The following NMNAT2 variants were observed in gnomAD, a reference collection of about 807,000 sequenced individuals.
NMNAT2 encodes nicotinamide nucleotide adenylyltransferase 2.
NMNAT2 carries 11 observed loss-of-function variants against 41.6 expected under a neutral mutation model. The ratio of observed to expected loss-of-function variants is 0.26; its 90% CI spans 0.17 to 0.44. The LOEUF (loss-of-function observed/expected upper bound fraction) is 0.44, where lower values mean the gene tolerates loss of function less well. NMNAT2 is among the 20% of genes least tolerant of loss of function. The pLI, the probability that NMNAT2 is intolerant of heterozygous loss-of-function variation, is 1.00. For synonymous variants in NMNAT2, 148 were observed against 151.2 expected, an observed-to-expected ratio of 0.98 and a Z score of 0.16; for missense variants, 288 against 407.7, an observed-to-expected ratio of 0.71 and a Z score of 2.53.
At chr1:183,356,829 G>C (rs1358854492) in intron 1 of NMNAT2, among the ~76,000 whole-genome samples, 1 of 152,170 alleles carries the variant, frequency 6.6e-6, no homozygotes, top group African/African-American at 2.4e-5. Context: ...GAAAATAACT[G>C]TCTAAAACCC....
intron 10 of NMNAT2, among the ~76,000 whole-genome samples, chr1:183,256,763 T>C (rs1477537649): frequency 6.6e-6 from 1 of 152,172 alleles, no homozygotes; most frequent in Non-Finnish European, 1.5e-5. Flanking sequence ...AGTTTTCTTT[T>C]CTTGTGGTGT....
At chr1:183,411,618 A>T (rs922051235) in intron 1 of NMNAT2, among the ~76,000 whole-genome samples, 1 of 152,218 alleles carries the variant, frequency 6.6e-6, no homozygotes, top group Admixed American at 6.5e-5. Context: ...CAAATGTTTA[A>T]TGAGCACTCA....
chr1:183,382,065 G>C (rs913671565), intron 1 of NMNAT2, among the ~76,000 whole-genome samples: 1 of 152,204 alleles, frequency 6.6e-6, no homozygotes, highest in Non-Finnish European at 1.5e-5. Flanking sequence ...AAGAAAAGCA[G>C]TTTTATTGGC....
Position 183,290,111 on chromosome 1 carries a change from G to A in NMNAT2, c.321+17C>T. The stretch of plus-strand genomic sequence containing the variant: ...CACTCTGGTGGTTCACGCATCCCCA[G>A]GCTTGGCCCAGCTCACCTTCATGAG... On this transcript the variant is annotated intron_variant, in intron 4 of 10. Coordinates refer to ENST00000287713, the MANE Select transcript of NMNAT2 (RefSeq NM_015039.4). 6.4e-7 allele frequency: 1 copy of A among 1,562,372 alleles called. No individual in the cohort carries two copies. The highest frequency in any genetic ancestry group is 2.4e-5 in the East Asian group (1 of 42,234).
At chr1:183,317,884 T>TA (rs958050145) in intron 1 of NMNAT2, among the ~76,000 whole-genome samples, 4 of 152,158 alleles carry the variant, frequency 2.6e-5, no homozygotes, top group Non-Finnish European at 4.4e-5. Context: ...AAAAAATATT[T>TA]AAATTAGCAT....
intron 2 of NMNAT2, among the ~76,000 whole-genome samples, chr1:183,293,060 G>C (rs1168833248): frequency 6.6e-6 from 1 of 152,238 alleles, no homozygotes; most frequent in Non-Finnish European, 1.5e-5. Context: ...TAAAGGGTGT[G>C]TGGTATATAC....
chr1:183,267,926 C>T (rs773258351), intron 8 of NMNAT2, among the ~76,000 whole-genome samples: 20 of 152,126 alleles, frequency 1.3e-4, no homozygotes, highest in Admixed American at 2.6e-4. Context: ...CATACAGTGG[C>T]CCTCAGTTTA....
At chr1:183,336,213 A>G (rs1662674979) in intron 1 of NMNAT2, among the ~76,000 whole-genome samples, 1 of 152,244 alleles carries the variant, frequency 6.6e-6, no homozygotes, top group Non-Finnish European at 1.5e-5. Context: ...GATGAAAGTC[A>G]TTTAATAACA....
chr1:183,410,958 T>A (rs1649100968), intron 1 of NMNAT2, among the ~76,000 whole-genome samples: 2 of 152,054 alleles, frequency 1.3e-5, no homozygotes, highest in South Asian at 4.1e-4. Context: ...GCTCAAGCAA[T>A]CCTCCCATCT....
At chr1:183,333,579 A>G (rs1273437043) in intron 1 of NMNAT2, among the ~76,000 whole-genome samples, 2 of 152,214 alleles carry the variant, frequency 1.3e-5, no homozygotes, top group Non-Finnish European at 2.9e-5. Flanking sequence ...TGGGCAGGAA[A>G]CAGATTCTCC....
chr1:183,290,154 A>G lies in NMNAT2; in HGVS notation c.295T>C (p.Leu99=). ...QDTWQTTCSV[L]EHHRDLMKRV... ...TTCATGAGGTCCCGGTGGTGTTCCAACACGCTGCAGGTCGTCTGCCAGGTG... is the reference window on the plus strand; with the variant it reads ...TTCATGAGGTCCCGGTGGTGTTCCAGCACGCTGCAGGTCGTCTGCCAGGTG... The change falls in exon 4 of 11, where the codon TTG becomes CTG. Residue 99 remains leucine, a synonymous_variant. Coordinates refer to ENST00000287713, the MANE Select transcript of NMNAT2 (RefSeq NM_015039.4). 6.3e-7 allele frequency: 1 copy of G among 1,585,388 alleles called. No individual in the cohort carries two copies. Among genetic ancestry groups the G allele is most frequent in the Non-Finnish European group, 8.6e-7 (1 of 1,164,588 alleles).
chr1:183,323,230 C>T (rs749635485), intron 1 of NMNAT2, among the ~76,000 whole-genome samples: 3 of 152,214 alleles, frequency 2.0e-5, no homozygotes, highest in Non-Finnish European at 4.4e-5. Context: ...CCGCACCTGG[C>T]CACAAAACTA....
intron 1 of NMNAT2, among the ~76,000 whole-genome samples, chr1:183,383,323 G>A (rs560795797): frequency 3.3e-5 from 5 of 152,298 alleles, no homozygotes; most frequent in Admixed American, 1.3e-4. Context: ...TTTGTAATGC[G>A]AGAGGCTTCC....
At chr1:183,353,168 G>T (rs1034497182) in intron 1 of NMNAT2, among the ~76,000 whole-genome samples, 1 of 151,924 alleles carries the variant, frequency 6.6e-6, no homozygotes, top group Admixed American at 6.6e-5. Flanking sequence ...CATCGTGCCC[G>T]GCTAGTTTTT....
chr1:183,332,490 A>G (rs1451115911), intron 1 of NMNAT2, among the ~76,000 whole-genome samples: 1 of 152,202 alleles, frequency 6.6e-6, no homozygotes, highest in African/African-American at 2.4e-5. Flanking sequence ...AGTCACATAG[A>G]CTGGAACCAA....
chr1:183,334,740 C>T (rs1013537578), intron 1 of NMNAT2, among the ~76,000 whole-genome samples: 5 of 151,898 alleles, frequency 3.3e-5, no homozygotes, highest in African/African-American at 4.8e-5. Flanking sequence ...GAACTCCTGA[C>T]CTCAAGTGAT....
chr1:183,311,025 C>T (rs1018521261), intron 1 of NMNAT2, among the ~76,000 whole-genome samples: 5 of 152,288 alleles, frequency 3.3e-5, no homozygotes, highest in South Asian at 2.1e-4. Context: ...CTAAGGTTCC[C>T]GCTCACCCTG....
At chr1:183,390,278 T>C (rs896185349) in intron 1 of NMNAT2, among the ~76,000 whole-genome samples, 3 of 152,204 alleles carry the variant, frequency 2.0e-5, no homozygotes, top group Non-Finnish European at 4.4e-5. Flanking sequence ...ATGAATTAAG[T>C]GCTCACTTAG....
At chr1:183,338,496 T>C (rs1222785671) in intron 1 of NMNAT2, among the ~76,000 whole-genome samples, 1 of 152,234 alleles carries the variant, frequency 6.6e-6, no homozygotes, top group African/African-American at 2.4e-5. Context: ...TAACCTCATG[T>C]TCTTTTCTGT....
Sources: allele counts gnomAD v4.1 joint callset (sites outside exome capture counted in the v4.1 genomes callset), GRCh38; gene constraint gnomAD v4.1.1; transcripts MANE v1.5; gene names NCBI Gene and HGNC (gene_info 2026-07-23, HGNC 2026-07-21).